The following SLC4A4 variants were observed in gnomAD, a reference collection of about 807,000 sequenced individuals.
SLC4A4 encodes solute carrier family 4 member 4.
Under a neutral mutation model 111.5 loss-of-function variants are expected in SLC4A4, and 27 were observed. The ratio of observed to expected loss-of-function variants is 0.24; its 90% CI spans 0.18 to 0.33. The LOEUF (loss-of-function observed/expected upper bound fraction) is 0.33. Among genes scored for constraint, SLC4A4 ranks in the 10% least tolerant of loss-of-function variants. SLC4A4 has a pLI of 1.00. For missense variants in SLC4A4, 909 were observed against 1,315.5 expected (o/e 0.69, Z 4.78); for synonymous variants, 443 against 463.4 (o/e 0.96, Z 0.57).
At chr4:71,315,746 G>A (rs1216776391) in intron 3 of SLC4A4, among the ~76,000 whole-genome samples, 4 of 152,278 alleles carry the variant, frequency 2.6e-5, no homozygotes, top group African/African-American at 9.6e-5. Context: ...TTGAGGCTGG[G>A]TGGATGCCTT....
chr4:71,290,829 C>G (rs948294432), intron 3 of SLC4A4, among the ~76,000 whole-genome samples: 6 of 152,202 alleles, frequency 3.9e-5, no homozygotes, highest in Non-Finnish European at 5.9e-5. Context: ...TGGGAAAAAT[C>G]TTTGGGAAAA....
At chr4:71,393,870 C>G (rs1719541384) in intron 6 of SLC4A4, among the ~76,000 whole-genome samples, 1 of 152,072 alleles carries the variant, frequency 6.6e-6, no homozygotes, top group African/African-American at 2.4e-5. Context: ...ATACTTACAA[C>G]CAACTGATCT....
rs183274880 is a variant in SLC4A4, at chr4:71,419,565, T to C, written c.808-21051T>C. Among the ~76,000 whole-genome samples the C allele has an allele frequency of 2.6e-3, 403 of 152,316 alleles. 12 individuals are homozygous for C. The highest frequency in any genetic ancestry group is 0.024 in the Admixed American group (374 of 15,302). On this transcript the variant is annotated intron_variant, in intron 7 of 25. Coordinates refer to ENST00000264485, the MANE Select transcript of SLC4A4 (RefSeq NM_001098484.3). ...CTGTCGGAAAAGTGCAGTATTTGAG[T>C]GGGAGTGACCCGATTTTCCAGGTGC...
At chr4:71,239,162 T>C (rs1720008154) in intron 2 of SLC4A4, among the ~76,000 whole-genome samples, 1 of 152,204 alleles carries the variant, frequency 6.6e-6, no homozygotes, top group Admixed American at 6.5e-5. Context: ...ACACTTTATA[T>C]TATTATTTAC....
chr4:71,555,443 A>C (rs1299191671), intron 21 of SLC4A4, among the ~76,000 whole-genome samples: 1 of 151,936 alleles, frequency 6.6e-6, no homozygotes, highest in South Asian at 2.1e-4. Context: ...GTTAAAAGTC[A>C]TTTAACCAAG....
intron 5 of SLC4A4, among the ~76,000 whole-genome samples, chr4:71,353,536 G>A (rs1407296302): frequency 6.6e-6 from 1 of 152,108 alleles, no homozygotes; most frequent in Non-Finnish European, 1.5e-5. Context: ...ACGAAACAGA[G>A]CCCTTATTTC....
At chr4:71,221,910 C>T (rs1047301608) in intron 1 of SLC4A4, among the ~76,000 whole-genome samples, 1 of 152,156 alleles carries the variant, frequency 6.6e-6, no homozygotes, top group Non-Finnish European at 1.5e-5. Flanking sequence ...TGACATGGTG[C>T]TGTAGGATTC....
intron 7 of SLC4A4, among the ~76,000 whole-genome samples, chr4:71,427,534 G>A (rs1723256024): frequency 6.6e-6 from 1 of 151,840 alleles, no homozygotes; most frequent in South Asian, 2.1e-4. Context: ...CTCCTTTAAG[G>A]TTATTTCTAA....
At chr4:71,364,043 A>G (rs1320036591) in intron 6 of SLC4A4, among the ~76,000 whole-genome samples, 2 of 152,062 alleles carry the variant, frequency 1.3e-5, no homozygotes, top group Non-Finnish European at 2.9e-5. Flanking sequence ...TAAACAACAC[A>G]TTTTTCTCCA....
chr4:71,188,680 T>G lies in SLC4A4; in HGVS notation c.-2+1279T>G, dbSNP rs529037030. Among the ~76,000 whole-genome samples, 13 of 152,322 alleles carry G rather than the reference T, an allele frequency of 8.5e-5. No homozygotes were observed. In the East Asian group the frequency reaches 2.3e-3, roughly 27 times the overall value. Reference sequence around the variant, plus strand: ...TTTTTTCATTGTGATTTCAGTAGATTCGTCAATGCCATTAGAACAATATTC... The same window carrying G: ...TTTTTTCATTGTGATTTCAGTAGATGCGTCAATGCCATTAGAACAATATTC... On this transcript the variant is annotated intron_variant, in intron 1 of 25. Transcript: ENST00000264485.
intron 16 of SLC4A4, 74 bp downstream of exon 16, chr4:71,497,766 A>T: frequency 8.0e-7 from 1 of 1,251,530 alleles, no homozygotes; most frequent in Non-Finnish European, 1.2e-6. Context: ...TACAAGGTGA[A>T]AAAGGCACCT....
chr4:71,499,644 G>A (rs4555599), intron 16 of SLC4A4, among the ~76,000 whole-genome samples: 1 of 152,084 alleles, frequency 6.6e-6, no homozygotes, highest in Non-Finnish European at 1.5e-5. Context: ...TGACATTTTA[G>A]GTTTCACGTG....
At chr4:71,295,879 C>T (rs1478093046) in intron 3 of SLC4A4, among the ~76,000 whole-genome samples, 1 of 152,018 alleles carries the variant, frequency 6.6e-6, no homozygotes, top group Non-Finnish European at 1.5e-5. Context: ...AGGCTGGTCT[C>T]GAACTCATGT....
At chr4:71,235,063 C>T (rs1424675983) in intron 1 of SLC4A4, among the ~76,000 whole-genome samples, 1 of 152,126 alleles carries the variant, frequency 6.6e-6, no homozygotes, top group Non-Finnish European at 1.5e-5. Context: ...ATTTGAATCT[C>T]AAAGCCATCA....
Position 71,146,767 on chromosome 4 carries a change from C to A in SLC4A4, c.-2+53975C>A, listed in dbSNP as rs189033693. ...TAAACATGGAAAGGAACAACTGGTA[C>A]CAGCCACTGCAAAAACATGCCAAAC... is the stretch of plus-strand genomic sequence containing the variant. On this transcript the variant is annotated intron_variant, in intron 2 of 26. Coordinates refer to the SLC4A4 transcript ENST00000649996. Among the ~76,000 whole-genome samples the A allele has an allele frequency of 2.0e-4, 30 of 152,212 alleles. No individual in the cohort carries two copies. In the East Asian group the frequency reaches 5.4e-3, roughly 27 times the overall value.
chr4:71,081,394 G>A (rs780774422), intron 1 of SLC4A4, among the ~76,000 whole-genome samples: 2 of 152,132 alleles, frequency 1.3e-5, no homozygotes, highest in Non-Finnish European at 2.9e-5. Context: ...AATGCAGCCA[G>A]CTGCAGATCC....
At chr4:71,499,626 T>C (rs1289552591) in intron 16 of SLC4A4, among the ~76,000 whole-genome samples, 5 of 152,184 alleles carry the variant, frequency 3.3e-5, no homozygotes, top group Admixed American at 3.3e-4. Flanking sequence ...TGTCTACTTA[T>C]ATGAGTTTGA....
chr4:71,236,620 A>C lies in SLC4A4; in HGVS notation c.44A>C (p.Lys15Thr). 1.2e-6 allele frequency: 2 copies of C among 1,613,906 alleles called. No homozygotes were observed. Among genetic ancestry groups the C allele is most frequent in the Non-Finnish European group, 1.7e-6 (2 of 1,179,816 alleles). Residue 15 changes from lysine (K) to threonine (T), a missense_variant, in exon 2 of 26, where the codon AAG becomes ACG. Around this residue, in one of 7 missense-constraint regions of SLC4A4, gnomAD observed 117 missense variants for 154.2 expected, o/e 0.76. Transcript: ENST00000264485. The part of the protein sequence containing the change: ...AVLDRGASFL[K>T]HVCDEEEVEG... ...CTGGACAGAGGGGCTTCCTTCCTCAAGCATGTGTGTGATGAAGAAGAAGTA... is the reference window on the plus strand; with the variant it reads ...CTGGACAGAGGGGCTTCCTTCCTCACGCATGTGTGTGATGAAGAAGAAGTA...
chr4:71,423,810 C>G (rs1482759464), intron 7 of SLC4A4, among the ~76,000 whole-genome samples: 1 of 152,168 alleles, frequency 6.6e-6, no homozygotes, highest in East Asian at 1.9e-4. Flanking sequence ...GAAATTGGCT[C>G]CCTTCCTTAC....
Sources: gnomAD v4.1 joint callset for allele counts (sites outside exome capture counted in the v4.1 genomes callset) on GRCh38, gnomAD v4.1.1 for gene constraint, gnomAD v4.1.1 regional missense constraint, MANE v1.5 for transcripts, NCBI Gene and HGNC (gene_info 2026-07-23, HGNC 2026-07-21) for gene names.